Variants in SSBP2 observed in about 807,000 individuals in gnomAD.
The protein encoded by SSBP2 is single stranded DNA binding protein 2.
SSBP2 carries 17 observed loss-of-function variants against 61.8 expected under a neutral mutation model. The ratio of observed to expected loss-of-function variants is 0.28; its 90% CI spans 0.19 to 0.41. The LOEUF (loss-of-function observed/expected upper bound fraction) is 0.41. Ranked by LOEUF, SSBP2 falls within the 10% of genes least tolerant of loss-of-function variation. The pLI, the probability that SSBP2 is intolerant of heterozygous loss-of-function variation, is 1.00. For missense variants in SSBP2, 310 were observed against 458.7 expected, an observed-to-expected ratio of 0.68 and a Z score of 2.96; for synonymous variants, 139 against 141.3, an observed-to-expected ratio of 0.98 and a Z score of 0.12.
chr5:81,672,795 A>G (rs1751681102), intron 1 of SSBP2, among the ~76,000 whole-genome samples: 1 of 151,952 alleles, frequency 6.6e-6, no homozygotes, highest in Admixed American at 6.6e-5. Flanking sequence ...GCTGATCTCA[A>G]ACTCCTGACC....
At chr5:81,602,472 G>A (rs1744460292) in intron 4 of SSBP2, among the ~76,000 whole-genome samples, 1 of 152,110 alleles carries the variant, frequency 6.6e-6, no homozygotes, top group Non-Finnish European at 1.5e-5. Context: ...GAGGAACTAG[G>A]AGGCATGACC....
Position 81,540,907 on chromosome 5 carries a change from G to T in SSBP2, c.283-27190C>A, listed in dbSNP as rs142180596. ...TTAGAATTCCTGGAGGTCCTAGCCA[G>T]ATCAATTGGGCAACAGAAAGTTAGA... is the stretch of plus-strand genomic sequence containing the variant. On this transcript the variant is annotated intron_variant, in intron 4 of 16. Transcript: ENST00000320672. Among the ~76,000 whole-genome samples the T allele has an allele frequency of 7.0e-3, 1,046 of 150,492 alleles. 7 individuals carry two copies. Among genetic ancestry groups the T allele is most frequent in the Non-Finnish European group, 0.012 (784 of 67,640 alleles).
At chr5:81,610,505 G>C (rs771458975) in intron 4 of SSBP2, among the ~76,000 whole-genome samples, 7 of 152,086 alleles carry the variant, frequency 4.6e-5, no homozygotes, top group African/African-American at 1.7e-4. Context: ...AGAGTTTAAA[G>C]CACCTGATCT....
intron 1 of SSBP2, among the ~76,000 whole-genome samples, chr5:81,713,201 T>G (rs1212038549): frequency 6.6e-6 from 1 of 151,936 alleles, no homozygotes; most frequent in Non-Finnish European, 1.5e-5. Flanking sequence ...ATGGCTAAAT[T>G]TGCAGTACCA....
intron 4 of SSBP2, among the ~76,000 whole-genome samples, chr5:81,558,357 G>A (rs1364522154): frequency 6.6e-6 from 1 of 152,172 alleles, no homozygotes; most frequent in African/African-American, 2.4e-5. Context: ...TCAAGGTGCT[G>A]GCAGATCTGG....
At chr5:81,421,129 A>C (rs1462534171) in intron 16 of SSBP2, among the ~76,000 whole-genome samples, 1 of 152,218 alleles carries the variant, frequency 6.6e-6, no homozygotes, top group Non-Finnish European at 1.5e-5. Flanking sequence ...AAAGCATTTA[A>C]AATACTTAAG....
At chr5:81,489,713 TTTGG>T (rs1766707885) in intron 5 of SSBP2, among the ~76,000 whole-genome samples, 1 of 152,250 alleles carries the variant, frequency 6.6e-6, no homozygotes, top group Non-Finnish European at 1.5e-5. Context: ...AATTGTTTGG[TTTGG>T]TTATCAATTC....
At chr5:81,613,364 A>C (rs763259976) in intron 4 of SSBP2, among the ~76,000 whole-genome samples, 17 of 152,192 alleles carry the variant, frequency 1.1e-4, no homozygotes, top group Non-Finnish European at 1.8e-4. Context: ...CCTCTGGCTA[A>C]TGCTCATTTC....
At chr5:81,515,066 A>C (rs1768910869) in intron 4 of SSBP2, among the ~76,000 whole-genome samples, 1 of 152,062 alleles carries the variant, frequency 6.6e-6, no homozygotes, top group Non-Finnish European at 1.5e-5. Flanking sequence ...TTATTGCTCT[A>C]TTGAGCTTTA....
chr5:81,468,664 G>A (rs1320468830), intron 8 of SSBP2, among the ~76,000 whole-genome samples: 1 of 151,990 alleles, frequency 6.6e-6, no homozygotes, highest in Non-Finnish European at 1.5e-5. Flanking sequence ...CCTTTAAGTA[G>A]TAGGTGCTCA....
chr5:81,480,280 T>C (rs1049450158), intron 6 of SSBP2, among the ~76,000 whole-genome samples: 2 of 152,208 alleles, frequency 1.3e-5, no homozygotes, highest in Non-Finnish European at 2.9e-5. Flanking sequence ...CTCAGAGATA[T>C]TGCTGGTTTA....
At chr5:81,466,948 G>A (rs1214912516) in intron 9 of SSBP2, 26 bp downstream of exon 9, 8 of 1,352,104 alleles carry the variant, frequency 5.9e-6, no homozygotes, top group African/African-American at 1.4e-5. Context: ...ACGTAATAAT[G>A]TAGTATATGA....
At chr5:81,662,485 A>T (rs1043616536) in intron 1 of SSBP2, among the ~76,000 whole-genome samples, 1 of 151,972 alleles carries the variant, frequency 6.6e-6, no homozygotes. Flanking sequence ...AACAAAAAAA[A>T]TTATTTCCAA....
intron 6 of SSBP2, among the ~76,000 whole-genome samples, chr5:81,475,128 G>A (rs752768029): frequency 1.6e-4 from 24 of 152,070 alleles, no homozygotes; most frequent in Non-Finnish European, 3.2e-4. Context: ...AACGTAACAG[G>A]GTTTGTTTCC....
At chr5:81,750,529 C>T (rs1757683911) in intron 1 of SSBP2, among the ~76,000 whole-genome samples, 1 of 147,956 alleles carries the variant, frequency 6.8e-6, no homozygotes, top group East Asian at 2.0e-4. Flanking sequence ...CGCCCCGACC[C>T]CGGCCCCGAC....
At chr5:81,605,729 T>C (rs1744820431) in intron 4 of SSBP2, among the ~76,000 whole-genome samples, 1 of 152,122 alleles carries the variant, frequency 6.6e-6, no homozygotes, top group Non-Finnish European at 1.5e-5. Flanking sequence ...AACTTAGTAG[T>C]TTGAATGAAA....
intron 4 of SSBP2, among the ~76,000 whole-genome samples, chr5:81,547,615 T>G (rs1457430385): frequency 6.6e-6 from 1 of 152,100 alleles, no homozygotes; most frequent in Non-Finnish European, 1.5e-5. Flanking sequence ...TATAAGCACA[T>G]GCCACCATGT....
In SSBP2 at chr5:81,660,386, T is replaced by C. The variant is rs111492627; in HGVS notation, c.63-10047A>G. Among the ~76,000 whole-genome samples, 816 of 151,356 alleles carry C rather than the reference T, an allele frequency of 5.4e-3. 6 individuals carry two copies. The highest frequency in any genetic ancestry group is 0.019 in the African/African-American group (768 of 41,448). On this transcript the variant is annotated intron_variant, in intron 1 of 16. Coordinates refer to ENST00000320672, the MANE Select transcript of SSBP2 (RefSeq NM_012446.5). ...GAACAGACCCTTCTCAAAGAAGACA[T>C]TTATGCAGCCAACAAACATATGAGA...
At chr5:81,457,836 A>G (rs1220330641) in intron 10 of SSBP2, among the ~76,000 whole-genome samples, 1 of 151,788 alleles carries the variant, frequency 6.6e-6, no homozygotes, top group Non-Finnish European at 1.5e-5. Context: ...AATTTTTCGT[A>G]TTTTTAGTAG....
Sources: allele counts gnomAD v4.1 joint callset (sites outside exome capture counted in the v4.1 genomes callset), GRCh38; gene constraint gnomAD v4.1.1; transcripts MANE v1.5; gene names NCBI Gene and HGNC (gene_info 2026-07-23, HGNC 2026-07-21).